Variants in NLGN1 observed in about 807,000 individuals in gnomAD.
The protein encoded by NLGN1 is neuroligin 1.
NLGN1 carries 12 observed loss-of-function variants against 65.5 expected under a neutral mutation model. The ratio of observed to expected loss-of-function variants is 0.18; its 90% CI spans 0.12 to 0.30. NLGN1 has a LOEUF of 0.30. Ranked by LOEUF, NLGN1 falls within the 10% of genes least tolerant of loss-of-function variation. NLGN1 has a pLI of 1.00. For missense variants in NLGN1, 750 were observed against 1,007.1 expected (o/e 0.74, Z 3.46); for synonymous variants, 350 against 359.5 (o/e 0.97, Z 0.30).
At chr3:173,503,059 T>C (rs941977585) in intron 2 of NLGN1, among the ~76,000 whole-genome samples, 4 of 151,944 alleles carry the variant, frequency 2.6e-5, no homozygotes, top group Admixed American at 6.6e-5. Flanking sequence ...TAACATGCCA[T>C]ATAGATGTAT....
At chr3:173,750,060 T>C (rs756158682) in intron 3 of NLGN1, among the ~76,000 whole-genome samples, 4 of 152,114 alleles carry the variant, frequency 2.6e-5, no homozygotes, top group Non-Finnish European at 4.4e-5. Context: ...GCTGGAAATT[T>C]GCAGACCTAA....
At chr3:173,564,050 C>G (rs1361299919) in intron 2 of NLGN1, among the ~76,000 whole-genome samples, 4 of 152,260 alleles carry the variant, frequency 2.6e-5, no homozygotes, top group Admixed American at 1.3e-4. Flanking sequence ...TCAGTGCCGT[C>G]TCTTGTCTTG....
intron 3 of NLGN1, among the ~76,000 whole-genome samples, chr3:173,746,588 G>A (rs1448319040): frequency 6.6e-6 from 1 of 151,940 alleles, no homozygotes; most frequent in Non-Finnish European, 1.5e-5. Context: ...ATTCTTGACT[G>A]TCTACACTAG....
At chr3:173,727,563 A>G (rs930761012) in intron 3 of NLGN1, among the ~76,000 whole-genome samples, 81 of 152,222 alleles carry the variant, frequency 5.3e-4, no homozygotes, top group African/African-American at 1.9e-3. Flanking sequence ...GGCATTTCCA[A>G]ATGAACATTC....
chr3:174,235,591 A>C (rs2152823245), intron 4 of NLGN1, among the ~76,000 whole-genome samples: 1 of 152,228 alleles, frequency 6.6e-6, no homozygotes, highest in East Asian at 1.9e-4. Context: ...AAAGTAAAAC[A>C]GAGGATCTGT....
At chr3:173,584,325 A>G (rs1027841191) in intron 2 of NLGN1, among the ~76,000 whole-genome samples, 1 of 141,980 alleles carries the variant, frequency 7.0e-6, no homozygotes, top group Non-Finnish European at 1.5e-5. Context: ...CACTAGGGGT[A>G]TCTTTGTACC....
intron 4 of NLGN1, among the ~76,000 whole-genome samples, chr3:174,199,541 G>C (rs1458310598): frequency 1.3e-5 from 2 of 151,692 alleles, no homozygotes; most frequent in African/African-American, 4.9e-5. Flanking sequence ...AATCTATGAG[G>C]GTCCTTTTCA....
chr3:174,134,124 G>A (rs1720762295), intron 4 of NLGN1, among the ~76,000 whole-genome samples: 2 of 152,094 alleles, frequency 1.3e-5, no homozygotes, highest in African/African-American at 2.4e-5. Context: ...CCCACAAAAC[G>A]AAAAGAAACA....
intron 4 of NLGN1, among the ~76,000 whole-genome samples, chr3:173,954,580 T>C (rs1711533136): frequency 2.6e-5 from 4 of 152,048 alleles, no homozygotes; most frequent in Admixed American, 2.0e-4. Context: ...GAGTTGCTTC[T>C]TCCCATATCC....
chr3:173,566,422 G>A (rs1743673286), intron 2 of NLGN1, among the ~76,000 whole-genome samples: 1 of 152,102 alleles, frequency 6.6e-6, no homozygotes, highest in Non-Finnish European at 1.5e-5. Context: ...TGCAAATTAA[G>A]ACAATGATTT....
chr3:173,932,749 G>T (rs748802828), intron 4 of NLGN1, among the ~76,000 whole-genome samples: 11 of 152,140 alleles, frequency 7.2e-5, no homozygotes, highest in Non-Finnish European at 1.6e-4. Flanking sequence ...GAGAATTAAA[G>T]TGTTCAGCCC....
intron 2 of NLGN1, among the ~76,000 whole-genome samples, chr3:173,582,739 AT>A (rs1444875322): frequency 1.3e-5 from 2 of 151,814 alleles, no homozygotes; most frequent in Non-Finnish European, 2.9e-5. Context: ...GTACATTTTG[AT>A]TTATATAATT....
intron 2 of NLGN1, among the ~76,000 whole-genome samples, chr3:173,498,258 T>A (rs1171861844): frequency 1.3e-5 from 2 of 149,988 alleles, no homozygotes; most frequent in Non-Finnish European, 3.0e-5. Context: ...CCTGTGTCCA[T>A]GTGTTCTCAT....
intron 3 of NLGN1, among the ~76,000 whole-genome samples, chr3:173,746,902 A>G (rs983784398): frequency 6.6e-6 from 1 of 151,796 alleles, no homozygotes; most frequent in East Asian, 1.9e-4. Context: ...TACATAAAAA[A>G]TTAGTTGGGC....
intron 3 of NLGN1, among the ~76,000 whole-genome samples, chr3:173,805,453 A>T (rs76922614): frequency 0.023 from 3,452 of 152,266 alleles, 118 homozygotes; most frequent in East Asian, 0.17. Flanking sequence ...AAATAAAGAG[A>T]TACCACTCAA....
intron 2 of NLGN1, among the ~76,000 whole-genome samples, chr3:173,582,215 A>AC (rs1336669149): frequency 6.6e-6 from 1 of 151,920 alleles, no homozygotes. Context: ...TTTTCTTGTT[A>AC]CCGTTTCTAC....
intron 4 of NLGN1, among the ~76,000 whole-genome samples, chr3:174,211,223 C>T (rs1206217918): frequency 6.6e-6 from 1 of 152,180 alleles, no homozygotes; most frequent in African/African-American, 2.4e-5. Context: ...AAGGGGACCC[C>T]AGCGGGTTGC....
chr3:173,851,112 T>C (rs978411880), intron 4 of NLGN1, among the ~76,000 whole-genome samples: 1 of 152,176 alleles, frequency 6.6e-6, no homozygotes, highest in African/African-American at 2.4e-5. Flanking sequence ...TATGGTTTTA[T>C]ATCCGATTGA....
rs1440876299 is a variant in NLGN1 at position 173,730,320 on chromosome 3, G to GCC, written c.494-77359_494-77358insCC. Among the ~76,000 whole-genome samples, 270 of 27,558 alleles carry GCC rather than the reference G, an allele frequency of 9.8e-3. 5 individuals are homozygous for GCC. The highest frequency in any genetic ancestry group is 0.022 in the East Asian group (2 of 90). 18.1% of individuals were successfully genotyped at this position (27,558 alleles called of 152,430 possible). A position where few individuals can be genotyped will look rare whatever the true frequency, so the allele number is the denominator to read the frequency against. On this transcript the variant is annotated intron_variant, in intron 3 of 6. Coordinates refer to ENST00000457714, the Ensembl canonical transcript of NLGN1. ...AGGTCTAACACACTACTGCCCCACC[G>GCC]CTCCCCCCCCCCCGCAAAAATAGAA...
Sources: allele counts gnomAD v4.1 joint callset (sites outside exome capture counted in the v4.1 genomes callset), GRCh38; gene constraint gnomAD v4.1.1; transcripts MANE v1.5; gene names NCBI Gene and HGNC (gene_info 2026-07-23, HGNC 2026-07-21).